AGMO: variants seen among roughly 807,000 people sequenced by gnomAD.
The protein encoded by AGMO is alkylglycerol monooxygenase, also known as glyceryl-ether monooxygenase.
Under a neutral mutation model 60.2 loss-of-function variants are expected in AGMO, and 75 were observed. The observed-to-expected ratio is 1.25, with a 90% confidence interval of 1.03 to 1.51. The LOEUF (loss-of-function observed/expected upper bound fraction) is 1.51, where lower values mean the gene tolerates loss of function less well. Ranked by LOEUF, AGMO falls within the 40% of genes most tolerant of loss-of-function variation. The probability of loss-of-function intolerance (pLI) is 0.00; values close to 1 mark genes in which losing one functional copy is unlikely to be tolerated. For missense variants in AGMO, 763 were observed against 525.5 expected (o/e 1.45, Z -4.42); for synonymous variants, 261 against 177.1 (o/e 1.47, Z -3.76).
chr7:15,189,483 G>C, the AGMO span, among the ~76,000 whole-genome samples: 2 of 152,088 alleles, frequency 1.3e-5, no homozygotes, highest in Non-Finnish European at 2.9e-5. Context: ...GATAGAACTG[G>C]TATCTTTTAA....
At chr7:15,515,743 A>G (rs914479315) in intron 3 of AGMO, among the ~76,000 whole-genome samples, 2 of 152,236 alleles carry the variant, frequency 1.3e-5, no homozygotes, top group Admixed American at 6.5e-5. Flanking sequence ...ATATATTTCA[A>G]AAAGCACAAT....
intron 3 of AGMO, among the ~76,000 whole-genome samples, chr7:15,525,057 T>C (rs1019093949): frequency 6.6e-6 from 1 of 152,112 alleles, no homozygotes; most frequent in Admixed American, 6.6e-5. Context: ...AACTGAATTC[T>C]TGGCCATGAC....
chr7:15,374,201 T>C (rs970788871), intron 10 of AGMO, among the ~76,000 whole-genome samples: 1 of 151,600 alleles, frequency 6.6e-6, no homozygotes, highest in African/African-American at 2.4e-5. Flanking sequence ...TCTTGCTCTT[T>C]AAAATAATTG....
chr7:15,338,464 G>GATC (rs959862834), intron 12 of AGMO, among the ~76,000 whole-genome samples: 31 of 96,408 alleles, frequency 3.2e-4, no homozygotes, highest in African/African-American at 1.1e-3. Flanking sequence ...GTGATGCTCT[G>GATC]ATCTTATTTA....
chr7:15,372,457 AAAAT>A (rs917762551), intron 10 of AGMO, among the ~76,000 whole-genome samples: 15 of 152,284 alleles, frequency 9.9e-5, no homozygotes, highest in South Asian at 4.1e-4. Context: ...CTCTGTCTCA[AAAAT>A]AAATAAATAA....
At chr7:15,386,536 T>C (rs1783921174) in intron 9 of AGMO, among the ~76,000 whole-genome samples, 1 of 152,200 alleles carries the variant, frequency 6.6e-6, no homozygotes, top group Non-Finnish European at 1.5e-5. Flanking sequence ...CAATGAATTG[T>C]GAACATAAAC....
intron 3 of AGMO, among the ~76,000 whole-genome samples, chr7:15,515,660 T>G (rs1378691135): frequency 6.6e-6 from 1 of 152,234 alleles, no homozygotes; most frequent in Non-Finnish European, 1.5e-5. Context: ...AGCCTTCTCA[T>G]GTAGAAAGAC....
chr7:15,343,373 T>G (rs1352687015), intron 12 of AGMO, among the ~76,000 whole-genome samples: 1 of 152,182 alleles, frequency 6.6e-6, no homozygotes, highest in Non-Finnish European at 1.5e-5. Context: ...TTAACTCATT[T>G]TTTATCCCAC....
chr7:15,479,760 G>A (rs184368943), intron 3 of AGMO, among the ~76,000 whole-genome samples: 2 of 152,242 alleles, frequency 1.3e-5, no homozygotes, highest in African/African-American at 4.8e-5. Flanking sequence ...AAACTGAAGA[G>A]GACATGGGCT....
intron 3 of AGMO, among the ~76,000 whole-genome samples, chr7:15,527,574 C>G (rs1444585602): frequency 1.3e-5 from 2 of 152,136 alleles, no homozygotes; most frequent in Non-Finnish European, 2.9e-5. Context: ...CTGGAAGCTA[C>G]AGTAAGTTAC....
At chr7:15,264,890 C>G (rs985890343) in intron 12 of AGMO, among the ~76,000 whole-genome samples, 1 of 151,882 alleles carries the variant, frequency 6.6e-6, no homozygotes, top group African/African-American at 2.4e-5. Flanking sequence ...TCGAAGAACT[C>G]AAAACAGAAC....
intron 3 of AGMO, among the ~76,000 whole-genome samples, chr7:15,489,524 A>C (rs936047102): frequency 2.0e-5 from 3 of 152,162 alleles, no homozygotes; most frequent in Non-Finnish European, 2.9e-5. Flanking sequence ...ACCTTCAGCC[A>C]GGAAAGATTT....
chr7:15,437,093 T>G (rs1176858694), intron 3 of AGMO, among the ~76,000 whole-genome samples: 9 of 152,098 alleles, frequency 5.9e-5, no homozygotes, highest in Non-Finnish European at 1.3e-4. Flanking sequence ...GTAAATGAAA[T>G]AAAATTAGTA....
rs1408602740 is a variant in AGMO at position 15,214,287 on chromosome 7, TTA to T, written c.1264-12930_1264-12929del. Among the ~76,000 whole-genome samples the T allele has an allele frequency of 5.9e-5, 9 of 152,106 alleles. No individual in the cohort carries two copies. The East Asian group carries it at 1.7e-3, about 29-fold the overall frequency. ...TTTGTAGCTGAAAATGTGTTTCTGATTATGTCAAAGGTATATTTTATGGATTC... is the reference window on the plus strand; with the variant it reads ...TTTGTAGCTGAAAATGTGTTTCTGATTGTCAAAGGTATATTTTATGGATTC... On this transcript the variant is annotated intron_variant, in intron 12 of 12. Transcript: ENST00000342526.
At chr7:15,462,390 A>G (rs2128509078) in intron 3 of AGMO, among the ~76,000 whole-genome samples, 2 of 152,260 alleles carry the variant, frequency 1.3e-5, no homozygotes, top group South Asian at 4.1e-4. Flanking sequence ...CAAATTTATT[A>G]TTTTGCTGGA....
intron 12 of AGMO, among the ~76,000 whole-genome samples, chr7:15,290,032 A>AT (rs34390987): frequency 5.5e-3 from 639 of 116,228 alleles, no homozygotes; most frequent in Middle Eastern, 0.013. Flanking sequence ...CCTTAAGTTG[A>AT]TTTTTTTTTT....
At chr7:15,486,601 A>G (rs1782927937) in intron 3 of AGMO, among the ~76,000 whole-genome samples, 2 of 152,224 alleles carry the variant, frequency 1.3e-5, no homozygotes, top group Admixed American at 6.5e-5. Flanking sequence ...AAATAGTACC[A>G]TAATTAAGAG....
At chr7:15,129,127 A>G in the AGMO span, among the ~76,000 whole-genome samples, 1 of 152,090 alleles carries the variant, frequency 6.6e-6, no homozygotes, top group Non-Finnish European at 1.5e-5. Flanking sequence ...GGGAAAGGAC[A>G]GGTGAGCTGA....
intron 5 of AGMO, among the ~76,000 whole-genome samples, chr7:15,399,493 C>T (rs1298828263): frequency 3.3e-5 from 5 of 152,138 alleles, no homozygotes; most frequent in African/African-American, 1.2e-4. Context: ...TTTTGGGGCA[C>T]ATTTTTTAAA....
Sources: gnomAD v4.1 joint callset for allele counts (sites outside exome capture counted in the v4.1 genomes callset) on GRCh38, gnomAD v4.1.1 for gene constraint, MANE v1.5 for transcripts, NCBI Gene and HGNC (gene_info 2026-07-23, HGNC 2026-07-21) for gene names.